The following KLHL1 variants were observed in gnomAD, a reference collection of about 807,000 sequenced individuals.
KLHL1 encodes kelch like family member 1, also known as kelch-like protein 1.
KLHL1 carries 47 observed loss-of-function variants against 77.7 expected under a neutral mutation model. That is an observed-to-expected ratio of 0.60 (90% CI 0.48 to 0.77). KLHL1 has a LOEUF of 0.77. Among genes scored for constraint, KLHL1 ranks in the 30% least tolerant of loss-of-function variants. KLHL1 has a pLI of 0.00. For synonymous variants in KLHL1, 360 were observed against 325.2 expected (o/e 1.11, Z -1.15); for missense variants, 925 against 910.8 (o/e 1.02, Z -0.20).
intron 1 of KLHL1, among the ~76,000 whole-genome samples, chr13:69,998,602 C>T (rs1885213721): frequency 6.6e-6 from 1 of 152,008 alleles, no homozygotes; most frequent in Non-Finnish European, 1.5e-5. Context: ...CTTATTTCTC[C>T]TGTTTCATCA....
chr13:70,097,326 ACTT>A (rs1887815740), intron 1 of KLHL1, among the ~76,000 whole-genome samples: 1 of 152,038 alleles, frequency 6.6e-6, no homozygotes, highest in African/African-American at 2.4e-5. Flanking sequence ...GCAGAGGAAA[ACTT>A]CTTTTCTTTG....
At chr13:69,788,574 A>G (rs909360960) in intron 7 of KLHL1, among the ~76,000 whole-genome samples, 4 of 152,176 alleles carry the variant, frequency 2.6e-5, no homozygotes, top group Admixed American at 6.5e-5. Flanking sequence ...TGATGAGTTA[A>G]TGGGTACAGC....
rs1888130386 is a variant in KLHL1 at position 70,108,394 on chromosome 13, G to T, written c.-695C>A. On this transcript the variant is annotated 5_prime_UTR_variant, in exon 1 of 11. Transcript: ENST00000377844. Reference sequence around the variant, plus strand: ...AAAAGAGAAAAATAGATATTCTAGCGCATATAGGGAGGCAAAAGAAAAAGC... The same window carrying T: ...AAAAGAGAAAAATAGATATTCTAGCTCATATAGGGAGGCAAAAGAAAAAGC... 1 of 169,150 alleles carries T rather than the reference G, an allele frequency of 5.9e-6. No individual in the cohort carries two copies. Among genetic ancestry groups the T allele is most frequent in the African/African-American group, 2.4e-5 (1 of 42,196 alleles). The allele number at this position is 169,150 out of a possible 1,614,324, so 10.5% of individuals were successfully genotyped here.
chr13:69,790,789 C>G (rs1876834560), intron 7 of KLHL1, among the ~76,000 whole-genome samples: 1 of 152,080 alleles, frequency 6.6e-6, no homozygotes, highest in East Asian at 1.9e-4. Flanking sequence ...GTGGCTCACG[C>G]TTGTAATCCC....
At chr13:69,745,952 AG>A (rs1428178059) in intron 7 of KLHL1, among the ~76,000 whole-genome samples, 1 of 151,594 alleles carries the variant, frequency 6.6e-6, no homozygotes, top group Admixed American at 6.6e-5. Context: ...CTTCTAATCC[AG>A]AACACAGTAC....
chr13:69,709,373 A>G (rs1221935640), intron 9 of KLHL1, among the ~76,000 whole-genome samples: 3 of 152,148 alleles, frequency 2.0e-5, no homozygotes, highest in African/African-American at 7.2e-5. Context: ...AGTTCAATCC[A>G]GAATGTGGAA....
At chr13:69,719,259 G>A in intron 9 of KLHL1, 110 bp downstream of exon 9, 1 of 764,418 alleles carries the variant, frequency 1.3e-6, no homozygotes, top group South Asian at 1.6e-5. Flanking sequence ...TGTATCTCTA[G>A]GTGTTGAATT....
At chr13:69,995,388 C>T (rs1391632764) in intron 1 of KLHL1, among the ~76,000 whole-genome samples, 4 of 152,084 alleles carry the variant, frequency 2.6e-5, no homozygotes, top group African/African-American at 9.7e-5. Flanking sequence ...TGAGTTATTA[C>T]TTGGTCTATT....
At chr13:69,962,207 T>C (rs1391999874) in intron 2 of KLHL1, among the ~76,000 whole-genome samples, 1 of 152,058 alleles carries the variant, frequency 6.6e-6, no homozygotes, top group Non-Finnish European at 1.5e-5. Flanking sequence ...CTTATATTGT[T>C]ACAATTTTGT....
chr13:70,032,317 C>A (rs1251667174), intron 1 of KLHL1, among the ~76,000 whole-genome samples: 2 of 152,108 alleles, frequency 1.3e-5, no homozygotes, highest in Non-Finnish European at 2.9e-5. Context: ...AGTGTTCTTC[C>A]TTCAGTATAA....
intron 1 of KLHL1, among the ~76,000 whole-genome samples, chr13:69,993,428 A>C (rs1885074748): frequency 6.6e-6 from 1 of 152,104 alleles, no homozygotes; most frequent in South Asian, 2.1e-4. Flanking sequence ...TAAATAAGGA[A>C]TCAATCTCCA....
At chr13:69,959,200 C>T (rs1883988840) in intron 3 of KLHL1, among the ~76,000 whole-genome samples, 1 of 151,990 alleles carries the variant, frequency 6.6e-6, no homozygotes. Context: ...TTTGAAACAC[C>T]TTCCAACTTT....
At chr13:70,046,134 A>G (rs1886489604) in intron 1 of KLHL1, among the ~76,000 whole-genome samples, 1 of 152,170 alleles carries the variant, frequency 6.6e-6, no homozygotes, top group Non-Finnish European at 1.5e-5. Flanking sequence ...GGAATAGACC[A>G]TTGTAGGCAG....
At chr13:70,084,461 C>CTTTTTTTTT (rs1324246935) in intron 1 of KLHL1, among the ~76,000 whole-genome samples, 3,438 of 114,650 alleles carry the variant, frequency 0.03, 570 homozygotes, top group African/African-American at 0.079. Flanking sequence ...ATTTCTTCTT[C>CTTTTTTTTT]TTCTTTTTTT....
At chr13:69,899,196 C>T (rs956250454) in intron 4 of KLHL1, among the ~76,000 whole-genome samples, 1 of 152,058 alleles carries the variant, frequency 6.6e-6, no homozygotes, top group African/African-American at 2.4e-5. Flanking sequence ...TGATTCGACT[C>T]GATTTGTTGC....
At chr13:70,023,554 C>G (rs1454829533) in intron 1 of KLHL1, among the ~76,000 whole-genome samples, 1 of 151,864 alleles carries the variant, frequency 6.6e-6, no homozygotes, top group Non-Finnish European at 1.5e-5. Flanking sequence ...ATTTTTTAAT[C>G]TAGGAACCAG....
intron 6 of KLHL1, among the ~76,000 whole-genome samples, chr13:69,832,481 T>C (rs1179820734): frequency 6.7e-6 from 1 of 149,940 alleles, no homozygotes; most frequent in African/African-American, 2.5e-5. Context: ...ACACATCCCA[T>C]GTTCATGGAT....
chr13:69,940,044 G>T lies in KLHL1; in HGVS notation c.1010C>A (p.Thr337Lys). The change falls in exon 4 of 11, where the codon ACA becomes AAA. Residue 337 changes from threonine to lysine, a missense_variant. Physicochemically the swap from Thr to Lys is moderately conservative, Grantham distance 78. Transcript: ENST00000377844. Reference protein sequence around the residue: ...IELMKVAHSYTMENIMEVIRN... With the variant: ...IELMKVAHSYKMENIMEVIRN... Reference sequence around the variant, plus strand: ...TAAAACATTAAGTTTCCTTACCATTGTGTAGCTGTGGGCCACCTTCATTAA... The same window carrying T: ...TAAAACATTAAGTTTCCTTACCATTTTGTAGCTGTGGGCCACCTTCATTAA... 6.2e-7 allele frequency: 1 copy of T among 1,602,398 alleles called. No individual in the cohort carries two copies. Among genetic ancestry groups the T allele is most frequent in the Non-Finnish European group, 8.5e-7 (1 of 1,173,840 alleles).
At chr13:69,933,163 TG>T (rs1403878059) in intron 4 of KLHL1, among the ~76,000 whole-genome samples, 1 of 152,034 alleles carries the variant, frequency 6.6e-6, no homozygotes, top group African/African-American at 2.4e-5. Context: ...AGTCAAATTT[TG>T]GTAATTTTCA....
Sources: allele counts gnomAD v4.1 joint callset (sites outside exome capture counted in the v4.1 genomes callset), GRCh38; gene constraint gnomAD v4.1.1; transcripts MANE v1.5; gene names NCBI Gene and HGNC (gene_info 2026-07-23, HGNC 2026-07-21).